The following CADPS variants were observed in gnomAD, a reference collection of about 807,000 sequenced individuals.
The protein encoded by CADPS is calcium-dependent secretion activator 1.
CADPS carries 57 observed loss-of-function variants against 167.3 expected under a neutral mutation model. That is an observed-to-expected ratio of 0.34 (90% confidence interval 0.28 to 0.42). The LOEUF (loss-of-function observed/expected upper bound fraction) is 0.42. Among genes scored for constraint, CADPS ranks in the 20% least tolerant of loss-of-function variants. The pLI is 1.00. For missense variants in CADPS, 1,414 were observed against 1,738.1 expected (o/e 0.81, Z 3.32); for synonymous variants, 676 against 635.3 (o/e 1.06, Z -0.96).
At chr3:62,592,832 T>C in intron 6 of CADPS, 84 bp from the exon 7 acceptor site, 1 of 994,722 alleles carries the variant, frequency 1.0e-6, no homozygotes, top group East Asian at 2.5e-5. Context: ...GTCAGGTGAA[T>C]GCAGGGTTAA....
intron 1 of CADPS, among the ~76,000 whole-genome samples, chr3:62,865,057 C>G (rs563947230): frequency 6.6e-6 from 1 of 152,236 alleles, no homozygotes; most frequent in East Asian, 1.9e-4. Flanking sequence ...GTTTTGAACA[C>G]AGTATGTTAT....
chr3:62,833,813 G>C (rs990759876), intron 1 of CADPS, among the ~76,000 whole-genome samples: 1 of 151,978 alleles, frequency 6.6e-6, no homozygotes, highest in African/African-American at 2.4e-5. Flanking sequence ...TATCTGCTGG[G>C]GTTCTGTACA....
chr3:62,639,076 T>C (rs948347829), intron 6 of CADPS, among the ~76,000 whole-genome samples: 9 of 152,114 alleles, frequency 5.9e-5, no homozygotes, highest in African/African-American at 2.2e-4. Flanking sequence ...CAAACTGGTC[T>C]TAAATAAACA....
At chr3:62,704,520 G>T (rs760517651) in intron 3 of CADPS, among the ~76,000 whole-genome samples, 52 of 151,924 alleles carry the variant, frequency 3.4e-4, no homozygotes, top group Non-Finnish European at 6.6e-4. Context: ...TACTTTTTGT[G>T]CCCCCAACTA....
intron 1 of CADPS, among the ~76,000 whole-genome samples, chr3:62,839,711 T>C (rs538152790): frequency 7.9e-5 from 12 of 152,272 alleles, no homozygotes; most frequent in African/African-American, 2.9e-4. Flanking sequence ...GTGAGATCTG[T>C]GAAGTCGACA....
chr3:62,688,419 G>T (rs2151215089), intron 3 of CADPS, among the ~76,000 whole-genome samples: 1 of 152,164 alleles, frequency 6.6e-6, no homozygotes, highest in South Asian at 2.1e-4. Flanking sequence ...GTCTGGAAGT[G>T]GTCAATAAGT....
chr3:62,405,148 G>A (rs1054050767), intron 28 of CADPS, among the ~76,000 whole-genome samples: 2 of 148,690 alleles, frequency 1.3e-5, no homozygotes, highest in Non-Finnish European at 3.0e-5. Flanking sequence ...GGGGGGGGGG[G>A]GGCTCAACAG....
At chr3:62,479,084 G>A (rs988193617) in intron 22 of CADPS, among the ~76,000 whole-genome samples, 8 of 152,222 alleles carry the variant, frequency 5.3e-5, no homozygotes, top group Non-Finnish European at 1.0e-4. Flanking sequence ...GATGAGGTGA[G>A]TCGAGACAGT....
intron 1 of CADPS, among the ~76,000 whole-genome samples, chr3:62,817,573 A>G (rs1429057162): frequency 6.6e-6 from 1 of 152,190 alleles, no homozygotes; most frequent in Non-Finnish European, 1.5e-5. Context: ...ATGAGCTATG[A>G]GTCAAAACAA....
At chr3:62,419,382 A>G (rs1251544512) in intron 28 of CADPS, among the ~76,000 whole-genome samples, 3 of 152,152 alleles carry the variant, frequency 2.0e-5, no homozygotes, top group Admixed American at 2.0e-4. Flanking sequence ...CACTGAGAAA[A>G]TGGACCCCCA....
chr3:62,691,359 C>A (rs888745536), intron 3 of CADPS, among the ~76,000 whole-genome samples: 2 of 151,996 alleles, frequency 1.3e-5, no homozygotes, highest in South Asian at 4.2e-4. Flanking sequence ...GTAGGCTCAT[C>A]AACTGTTACA....
At chr3:62,745,552 C>A (rs12107688) in intron 3 of CADPS, among the ~76,000 whole-genome samples, 25,525 of 152,132 alleles carry the variant, frequency 0.17, 2,387 homozygotes, top group Middle Eastern at 0.23. Context: ...TGTCTTGGAA[C>A]AGACAGATTG....
At chr3:62,734,181 A>T (rs1049248882) in intron 3 of CADPS, among the ~76,000 whole-genome samples, 2 of 152,128 alleles carry the variant, frequency 1.3e-5, no homozygotes, top group African/African-American at 4.8e-5. Context: ...TTACCTATGT[A>T]CCCATTCATA....
At chr3:62,519,503 A>G (rs1000026983) in intron 13 of CADPS, among the ~76,000 whole-genome samples, 5 of 152,206 alleles carry the variant, frequency 3.3e-5, no homozygotes, top group East Asian at 1.9e-4. Flanking sequence ...ACCCCCAAAC[A>G]GTAAAATCCT....
chr3:62,638,998 A>G (rs1047834197), intron 6 of CADPS, among the ~76,000 whole-genome samples: 19 of 151,994 alleles, frequency 1.3e-4, no homozygotes, highest in Admixed American at 6.6e-5. Flanking sequence ...CTTCCTTCCC[A>G]CTGTCTATCC....
chr3:62,871,506 A>G (rs2082623419), intron 1 of CADPS, among the ~76,000 whole-genome samples: 1 of 152,124 alleles, frequency 6.6e-6, no homozygotes, highest in Non-Finnish European at 1.5e-5. Flanking sequence ...TTTATCCTAG[A>G]CTATTTCTAG....
intron 1 of CADPS, among the ~76,000 whole-genome samples, chr3:62,790,756 T>C (rs1166800792): frequency 6.6e-6 from 1 of 152,228 alleles, no homozygotes; most frequent in East Asian, 1.9e-4. Flanking sequence ...CTATGGCTTC[T>C]AGACCTTTGG....
intron 6 of CADPS, among the ~76,000 whole-genome samples, chr3:62,616,801 C>T (rs11926313): frequency 0.035 from 5,350 of 152,184 alleles, 172 homozygotes; most frequent in Middle Eastern, 0.085. Flanking sequence ...GGAAAGTTTT[C>T]GTCTAATGCT....
chr3:62,671,201 T>G (rs891416010), intron 3 of CADPS, among the ~76,000 whole-genome samples: 1 of 152,016 alleles, frequency 6.6e-6, no homozygotes, highest in South Asian at 2.1e-4. Context: ...ATATGAGGGG[T>G]TGCAAGGTTA....
Sources: gnomAD v4.1 joint callset for allele counts (sites outside exome capture counted in the v4.1 genomes callset) on GRCh38, gnomAD v4.1.1 for gene constraint, MANE v1.5 for transcripts, NCBI Gene and HGNC (gene_info 2026-07-23, HGNC 2026-07-21) for gene names.